NOX5: variants seen among roughly 807,000 people sequenced by gnomAD.
NOX5 encodes NADPH oxidase 5, also known as NADPH oxidase, EF-hand calcium binding domain 5.
A neutral mutation model predicts 85.7 loss-of-function variants in NOX5; 76 were observed. That is an observed-to-expected ratio of 0.89 (90% CI 0.74 to 1.07). NOX5 has a LOEUF of 1.07. NOX5 is among the 50% of genes least tolerant of loss of function. The pLI is 0.00. For missense variants in NOX5, 973 were observed against 999.5 expected (o/e 0.97, Z 0.36); for synonymous variants, 405 against 401.4 (o/e 1.01, Z -0.11).
At chr15:69,048,642 G>A (rs2050706911) in intron 13 of NOX5, among the ~76,000 whole-genome samples, 1 of 152,124 alleles carries the variant, frequency 6.6e-6, no homozygotes, top group South Asian at 2.1e-4. Context: ...CCACTTAGAA[G>A]AGTTTCTTAA....
At chr15:69,042,955 G>C (rs2050614828) in intron 10 of NOX5, 150 bp downstream of exon 10, 2 of 796,446 alleles carry the variant, frequency 2.5e-6, no homozygotes, top group Admixed American at 3.0e-5. Context: ...CTAACTCCGT[G>C]GTCCAAGAAC....
chr15:69,017,496 A>G (rs1181216365), intron 1 of NOX5, among the ~76,000 whole-genome samples: 3 of 152,138 alleles, frequency 2.0e-5, no homozygotes, highest in African/African-American at 7.2e-5. Context: ...CTTTTAACCA[A>G]TTGCCAATCA....
rs748139094 is a variant in NOX5 at position 69,028,268 on chromosome 15, C to T, written c.228C>T (p.Thr76=). Reference sequence around the variant, plus strand: ...TATTTGACTCCGATAGAAGTGGCACCATCACCCTCCAGGAGCTGCAGGAGG... The same window carrying T: ...TATTTGACTCCGATAGAAGTGGCACTATCACCCTCCAGGAGCTGCAGGAGG... ...FALFDSDRSG[T]ITLQELQEAL... is the part of the protein sequence containing the mutation. Residue 76 remains threonine, a synonymous_variant, in exon 3 of 16, where the codon ACC becomes ACT. Coordinates refer to ENST00000388866, the MANE Select transcript of NOX5 (RefSeq NM_024505.4). The T allele has an allele frequency of 3.1e-6, 5 of 1,613,496 alleles. No homozygotes were observed. The East Asian group carries it at 1.1e-4, about 36-fold the overall frequency.
chr15:69,032,273 T>C (rs1460220542), intron 4 of NOX5, among the ~76,000 whole-genome samples: 3 of 152,178 alleles, frequency 2.0e-5, no homozygotes, highest in Non-Finnish European at 2.9e-5. Flanking sequence ...TTTACACCAA[T>C]AAACACACAA....
chr15:69,023,461 A>G, intron 1 of NOX5: 1 of 431,906 alleles, frequency 2.3e-6, no homozygotes, highest in African/African-American at 2.1e-5. Context: ...TTGGGCTAAA[A>G]AATGATTCTA....
At position 69,035,885 on chromosome 15, in the gene NOX5, C is replaced by T. The variant is rs1337364674; in HGVS notation, c.1137C>T (p.Leu379=). Reference sequence around the variant, plus strand: ...GTGTCGCTCTGCTGCTGCTGCTCCTCCTCATGTTCATCTGCTCCAGTTCCT... The same window carrying T: ...GTGTCGCTCTGCTGCTGCTGCTCCTTCTCATGTTCATCTGCTCCAGTTCCT... ...PTGVALLLLL[L]LMFICSSSCI... is the part of the protein sequence containing the mutation. The change falls in exon 7 of 16, where the codon CTC becomes CTT. Residue 379 remains leucine (L), a synonymous_variant. Transcript: ENST00000388866. 3 of 1,614,072 alleles carry T rather than the reference C, an allele frequency of 1.9e-6. No homozygotes were observed. Among genetic ancestry groups the T allele is most frequent in the Non-Finnish European group, 1.7e-6 (2 of 1,179,916 alleles).
chr15:69,048,385 T>C lies in NOX5; in HGVS notation c.1899+474T>C, dbSNP rs538614076. ...CCATCTCTAACAAAAATACAAAAAT[T>C]AGTTGGGTGTGGTGGTGAGCACCTG... On this transcript the variant is annotated intron_variant, in intron 13 of 15. Coordinates refer to ENST00000388866, the MANE Select transcript of NOX5 (RefSeq NM_024505.4). Among the ~76,000 whole-genome samples the C allele has an allele frequency of 5.3e-5, 8 of 151,988 alleles. No homozygotes were observed. The South Asian group carries it at 1.7e-3, about 32-fold the overall frequency.
rs948527365 is a variant in NOX5, at chr15:69,060,679, C to A, written c.*3983C>A. Reference sequence around the variant, plus strand: ...TATAGTTTTATTTTAAAAAGAAACCCCAAATAGGATGTCATGTAAAAGAAA... The same window carrying A: ...TATAGTTTTATTTTAAAAAGAAACCACAAATAGGATGTCATGTAAAAGAAA... On this transcript the variant is annotated 3_prime_UTR_variant, in exon 16 of 16. Coordinates refer to ENST00000388866, the MANE Select transcript of NOX5 (RefSeq NM_024505.4). The A allele has an allele frequency of 4.6e-5, 7 of 151,554 alleles. No individual in the cohort carries two copies. The highest frequency in any genetic ancestry group is 7.4e-5 in the Non-Finnish European group (5 of 67,930). The allele number at this position is 151,554 out of a possible 1,614,324, so 9.4% of individuals were successfully genotyped here. A position where few individuals can be genotyped will look rare whatever the true frequency, so the allele number is the denominator to read the frequency against.
rs1250928108 is a variant in NOX5 at position 69,056,815 on chromosome 15, AC to A, written c.*124del. 2.3e-6 allele frequency: 3 copies of A among 1,297,602 alleles called. No homozygotes were observed. The highest frequency in any genetic ancestry group is 3.0e-5 in the South Asian group (2 of 67,010). 80.4% of individuals were successfully genotyped at this position (1,297,602 alleles called of 1,614,324 possible). A position where few individuals can be genotyped will look rare whatever the true frequency, so the allele number is the denominator to read the frequency against. On this transcript the variant is annotated 3_prime_UTR_variant, in exon 16 of 16. Coordinates refer to ENST00000388866, the MANE Select transcript of NOX5 (RefSeq NM_024505.4). Reference sequence around the variant, plus strand: ...CCACCCAATAAGACAAAGCCTAGGGACCCCCTAATCCTGCTCAACAGAGAGA... The same window carrying A: ...CCACCCAATAAGACAAAGCCTAGGGACCCCTAATCCTGCTCAACAGAGAGA...
chr15:69,032,963 T>G, intron 4 of NOX5, 80 bp from the exon 5 acceptor site: 1 of 1,505,634 alleles, frequency 6.6e-7, no homozygotes, highest in South Asian at 1.3e-5. Context: ...CGGCCATAGC[T>G]TGAAGGGGGT....
At position 69,056,553 on chromosome 15, in the gene NOX5, C is replaced by G. The variant is rs764873171; in HGVS notation, c.2167-12C>G. On this transcript the variant is annotated splice_polypyrimidine_tract_variant and intron_variant, in intron 15 of 15. Transcript: ENST00000388866. Reference sequence around the variant, plus strand: ...TCTTCCCTCTTCTCTTCCTCAACCCCACTGACTCCAGGTGTTCCAGAAAGT... The same window carrying G: ...TCTTCCCTCTTCTCTTCCTCAACCCGACTGACTCCAGGTGTTCCAGAAAGT... 5.0e-6 allele frequency: 8 copies of G among 1,611,978 alleles called. No individual in the cohort carries two copies. The highest frequency in any genetic ancestry group is 6.8e-6 in the Non-Finnish European group (8 of 1,179,734).
intron 4 of NOX5, 58 bp downstream of exon 4, chr15:69,031,870 A>T: frequency 1.3e-6 from 2 of 1,511,506 alleles, no homozygotes; most frequent in Non-Finnish European, 1.8e-6. Context: ...TCCTGGTCGG[A>T]AGTGTGGCAG....
chr15:69,028,644 C>T (rs1595773000), intron 3 of NOX5: 1 of 277,994 alleles, frequency 3.6e-6, no homozygotes, highest in Non-Finnish European at 6.7e-6. Context: ...TTACCAGAGG[C>T]CAGAACCTTT....
intron 5 of NOX5, among the ~76,000 whole-genome samples, chr15:69,033,807 G>C (rs1271655967): frequency 1.4e-5 from 2 of 146,456 alleles, no homozygotes; most frequent in Non-Finnish European, 3.0e-5. Flanking sequence ...CGATCCTCCT[G>C]CCTCAGCCTC....
intron 1 of NOX5, among the ~76,000 whole-genome samples, chr15:69,026,164 AG>A (rs2050355119): frequency 6.6e-6 from 1 of 152,254 alleles, no homozygotes; most frequent in African/African-American, 2.4e-5. Flanking sequence ...AAAGCAGTAA[AG>A]ATCTGTGTAA....
At chr15:69,055,192 G>C (rs2050795292) in intron 14 of NOX5, 142 bp from the exon 15 acceptor site, 1 of 804,736 alleles carries the variant, frequency 1.2e-6, no homozygotes, top group Non-Finnish European at 1.9e-6. Context: ...TCCTCTCCAT[G>C]GCACTGGTTA....
rs190899768 is a variant in NOX5, at chr15:69,023,861, G to T, written c.51-2667G>T. 9.5e-4 allele frequency: 169 copies of T among 178,830 alleles called. 2 individuals carry two copies. Among genetic ancestry groups the T allele is most frequent in the African/African-American group, 3.8e-3 (160 of 41,748 alleles). The allele number at this position is 178,830 out of a possible 1,614,324, so 11.1% of individuals were successfully genotyped here. A position where few individuals can be genotyped will look rare whatever the true frequency, so the allele number is the denominator to read the frequency against. On this transcript the variant is annotated intron_variant, in intron 1 of 15. Coordinates refer to ENST00000388866, the MANE Select transcript of NOX5 (RefSeq NM_024505.4). ...AATGCTTCTCCTGACCATCTCTTTT[G>T]TATTTATAATGGTTTTTTCAGGTCT...
At chr15:69,031,207 A>G in intron 3 of NOX5, 1 of 435,912 alleles carries the variant, frequency 2.3e-6, no homozygotes, top group Non-Finnish European at 4.1e-6. Context: ...GTGCCTTTGG[A>G]TAACTGAGGC....
At position 69,035,884 on chromosome 15, in the gene NOX5, T is replaced by C. The variant is rs865943060; in HGVS notation, c.1136T>C (p.Leu379Pro). The C allele has an allele frequency of 6.2e-7, 1 of 1,614,104 alleles. No homozygotes were observed. ...PTGVALLLLL[L>P]LMFICSSSCI... is the part of the protein sequence containing the mutation. Reference sequence around the variant, plus strand: ...GGTGTCGCTCTGCTGCTGCTGCTCCTCCTCATGTTCATCTGCTCCAGTTCC... The same window carrying C: ...GGTGTCGCTCTGCTGCTGCTGCTCCCCCTCATGTTCATCTGCTCCAGTTCC... The change falls in exon 7 of 16, where the codon CTC becomes CCC. Residue 379 changes from leucine (L) to proline (P), a missense_variant. Physicochemically the swap from Leu to Pro is moderately conservative, Grantham distance 98. Coordinates refer to ENST00000388866, the MANE Select transcript of NOX5 (RefSeq NM_024505.4).
Sources: gnomAD v4.1 joint callset for allele counts (sites outside exome capture counted in the v4.1 genomes callset) on GRCh38, gnomAD v4.1.1 for gene constraint, MANE v1.5 for transcripts, NCBI Gene and HGNC (gene_info 2026-07-23, HGNC 2026-07-21) for gene names.